The following OXR1 variants were observed in gnomAD, a reference collection of about 807,000 sequenced individuals.
The protein encoded by OXR1 is oxidation resistance 1, also known as oxidation resistance protein 1.
A neutral mutation model predicts 104.6 loss-of-function variants in OXR1; 41 were observed. That is an observed-to-expected ratio of 0.39 (90% CI 0.31 to 0.51). The LOEUF is 0.51. Among genes scored for constraint, OXR1 ranks in the 20% least tolerant of loss-of-function variants. The pLI is 0.77. For synonymous variants in OXR1, 348 were observed against 348.4 expected, an observed-to-expected ratio of 1.00 and a Z score of 0.01; for missense variants, 955 against 1,031.9, an observed-to-expected ratio of 0.93 and a Z score of 1.02.
At chr8:106,482,090 G>C (rs1158186932) in intron 2 of OXR1, among the ~76,000 whole-genome samples, 1 of 151,942 alleles carries the variant, frequency 6.6e-6, no homozygotes, top group Non-Finnish European at 1.5e-5. Context: ...CCCCTTGCTG[G>C]TTTGCATTTA....
chr8:106,505,784 GC>G (rs1812120448), intron 2 of OXR1, among the ~76,000 whole-genome samples: 1 of 152,184 alleles, frequency 6.6e-6, no homozygotes, highest in Non-Finnish European at 1.5e-5. Context: ...AAGAAAAGTG[GC>G]CCAAGACTAT....
At chr8:106,483,550 C>T (rs1422314115) in intron 2 of OXR1, among the ~76,000 whole-genome samples, 1 of 151,880 alleles carries the variant, frequency 6.6e-6, no homozygotes, top group Non-Finnish European at 1.5e-5. Context: ...CACTTAACCC[C>T]ATCTGCACCA....
intron 3 of OXR1, among the ~76,000 whole-genome samples, chr8:106,658,750 G>A (rs1361807939): frequency 6.6e-6 from 1 of 152,136 alleles, no homozygotes; most frequent in African/African-American, 2.4e-5. Context: ...GTCTTGTGGT[G>A]GCAGAACCTA....
At chr8:106,353,728 A>AT (rs1351332894) in intron 1 of OXR1, among the ~76,000 whole-genome samples, 5 of 152,174 alleles carry the variant, frequency 3.3e-5, no homozygotes, top group African/African-American at 4.8e-5. Context: ...CTAATGTATC[A>AT]TTTTTTATGG....
chr8:106,666,656 A>T (rs1826367034), intron 3 of OXR1, among the ~76,000 whole-genome samples: 1 of 152,214 alleles, frequency 6.6e-6, no homozygotes, highest in Admixed American at 6.5e-5. Flanking sequence ...AGGTAACGTC[A>T]GGAATAAGGG....
chr8:106,661,393 T>C (rs1269662220), intron 3 of OXR1, among the ~76,000 whole-genome samples: 2 of 152,210 alleles, frequency 1.3e-5, no homozygotes, highest in Non-Finnish European at 2.9e-5. Flanking sequence ...ATTAAGGACA[T>C]TATCACACCA....
chr8:106,517,738 T>C (rs749392751), intron 2 of OXR1, among the ~76,000 whole-genome samples: 4 of 152,220 alleles, frequency 2.6e-5, no homozygotes, highest in Non-Finnish European at 4.4e-5. Context: ...GTTGCCAATC[T>C]GAGTTACGTG....
At chr8:106,306,949 G>T (rs995455721) in intron 1 of OXR1, among the ~76,000 whole-genome samples, 4 of 152,124 alleles carry the variant, frequency 2.6e-5, no homozygotes, top group African/African-American at 9.7e-5. Flanking sequence ...CCAGCCAAAG[G>T]GAGAGAAATA....
chr8:106,383,803 C>G (rs1464202293), intron 2 of OXR1, among the ~76,000 whole-genome samples: 3 of 152,122 alleles, frequency 2.0e-5, no homozygotes, highest in Non-Finnish European at 4.4e-5. Flanking sequence ...GTCAGTGCAG[C>G]CTTTAATCAA....
At chr8:106,519,972 A>G (rs891889572) in intron 3 of OXR1, among the ~76,000 whole-genome samples, 46 of 152,282 alleles carry the variant, frequency 3.0e-4, no homozygotes, top group Admixed American at 5.9e-4. Context: ...AACATCTAGT[A>G]TATGGGAAAG....
At chr8:106,591,233 A>G (rs1819058016) in intron 3 of OXR1, among the ~76,000 whole-genome samples, 1 of 144,184 alleles carries the variant, frequency 6.9e-6, no homozygotes, top group African/African-American at 2.6e-5. Flanking sequence ...TGGGAATTGA[A>G]CAATGAGAAC....
chr8:106,732,196 G>T (rs1833952026), intron 11 of OXR1, among the ~76,000 whole-genome samples: 1 of 151,924 alleles, frequency 6.6e-6, no homozygotes, highest in Admixed American at 6.6e-5. Flanking sequence ...CTGATATAAA[G>T]ACCATTGACT....
At chr8:106,457,934 T>A (rs1319354653) in intron 2 of OXR1, among the ~76,000 whole-genome samples, 1 of 152,186 alleles carries the variant, frequency 6.6e-6, no homozygotes, top group African/African-American at 2.4e-5. Flanking sequence ...GTGTAGCTGC[T>A]TTTAACTAGT....
At chr8:106,424,217 CA>C (rs1477909152) in intron 2 of OXR1, among the ~76,000 whole-genome samples, 6 of 152,162 alleles carry the variant, frequency 3.9e-5, no homozygotes, top group African/African-American at 1.4e-4. Context: ...GGATTACAAA[CA>C]TGAGCCACCA....
chr8:106,289,449 T>A (rs1812651323), intron 1 of OXR1, among the ~76,000 whole-genome samples: 1 of 152,114 alleles, frequency 6.6e-6, no homozygotes, highest in African/African-American at 2.4e-5. Flanking sequence ...GGAACACAGC[T>A]AACCAAGGAG....
At chr8:106,743,619 C>G (rs1835129286) in intron 15 of OXR1, among the ~76,000 whole-genome samples, 1 of 152,150 alleles carries the variant, frequency 6.6e-6, no homozygotes, top group East Asian at 1.9e-4. Context: ...CCACGCCCAA[C>G]TGAAAAAGGA....
At chr8:106,344,208 G>T (rs908049996) in intron 1 of OXR1, among the ~76,000 whole-genome samples, 1 of 152,166 alleles carries the variant, frequency 6.6e-6, no homozygotes, top group African/African-American at 2.4e-5. Flanking sequence ...GGTTGGGGTG[G>T]AGATGTTAAG....
intron 3 of OXR1, among the ~76,000 whole-genome samples, chr8:106,660,916 G>A (rs545488838): frequency 6.6e-6 from 1 of 152,264 alleles, no homozygotes; most frequent in African/African-American, 2.4e-5. Flanking sequence ...GGGAGGCTGA[G>A]GCAGGAGAAT....
intron 2 of OXR1, among the ~76,000 whole-genome samples, chr8:106,456,269 G>C (rs1235559502): frequency 1.3e-5 from 2 of 152,116 alleles, no homozygotes; most frequent in Non-Finnish European, 2.9e-5. Context: ...CCACTTGCCT[G>C]CTTCCTCCAA....
Sources: gnomAD v4.1 joint callset for allele counts (sites outside exome capture counted in the v4.1 genomes callset) on GRCh38, gnomAD v4.1.1 for gene constraint, MANE v1.5 for transcripts, NCBI Gene and HGNC (gene_info 2026-07-23, HGNC 2026-07-21) for gene names.